VPS39: variants seen among roughly 807,000 people sequenced by gnomAD.
VPS39 encodes vam6/Vps39-like protein.
VPS39 carries 70 observed loss-of-function variants against 121.0 expected under a neutral mutation model. The observed-to-expected ratio is 0.58, with a 90% confidence interval of 0.48 to 0.71. The LOEUF (loss-of-function observed/expected upper bound fraction) is 0.71. Ranked by LOEUF, VPS39 falls within the 30% of genes least tolerant of loss-of-function variation. The pLI, the probability that VPS39 is intolerant of heterozygous loss-of-function variation, is 0.00. For synonymous variants in VPS39, 378 were observed against 398.1 expected (o/e 0.95, Z 0.60); for missense variants, 818 against 1,051.5 (o/e 0.78, Z 3.07).
chr15:42,189,794 CTTTTTTTTT>C (rs34353468), intron 4 of VPS39, among the ~76,000 whole-genome samples: 30 of 34,024 alleles, frequency 8.8e-4, no homozygotes, highest in Non-Finnish European at 1.2e-3. Flanking sequence ...CCAAAACACT[CTTTTTTTTT>C]TTTTTTTTTT....
rs189829804 is a variant in VPS39, at chr15:42,179,438, G to A, written c.719-868C>T. Among the ~76,000 whole-genome samples, 111 of 151,254 alleles carry A rather than the reference G, an allele frequency of 7.3e-4. No individual in the cohort carries two copies. In the East Asian group the frequency reaches 0.016, roughly 22 times the overall value. On this transcript the variant is annotated intron_variant, in intron 8 of 24. Coordinates refer to ENST00000318006, the MANE Select transcript of VPS39 (RefSeq NM_015289.5). Reference sequence around the variant, plus strand: ...AAAAATACAAAAAAATTAGCCGGGCGTGGTGGCAGGCGCCTGTAGTCCCAG... The same window carrying A: ...AAAAATACAAAAAAATTAGCCGGGCATGGTGGCAGGCGCCTGTAGTCCCAG...
intron 13 of VPS39, among the ~76,000 whole-genome samples, chr15:42,167,189 C>T (rs551424306): frequency 6.6e-6 from 1 of 152,324 alleles, no homozygotes; most frequent in East Asian, 1.9e-4. Context: ...AAGATGAATC[C>T]ACTGTACAAT....
At chr15:42,184,059 A>C (rs1307163625) in intron 8 of VPS39, 1 of 147,034 alleles carries the variant, frequency 6.8e-6, no homozygotes, top group African/African-American at 2.7e-5. Flanking sequence ...AGCTACAAAA[A>C]AAAAAAAAAA....
At chr15:42,171,025 G>A (rs1703753) in intron 11 of VPS39, among the ~76,000 whole-genome samples, 20,050 of 152,096 alleles carry the variant, frequency 0.13, 1,626 homozygotes, top group South Asian at 0.24. Flanking sequence ...ATGAGCCACT[G>A]TACCTGGCCA....
chr15:42,170,126 A>C (rs1168683718), intron 11 of VPS39, among the ~76,000 whole-genome samples: 1 of 152,184 alleles, frequency 6.6e-6, no homozygotes, highest in African/African-American at 2.4e-5. Flanking sequence ...AATATTTATC[A>C]AGCCTCTGAA....
Position 42,199,461 on chromosome 15 carries a change from G to T in VPS39, c.139+435C>A, listed in dbSNP as rs557870026. On this transcript the variant is annotated intron_variant, in intron 2 of 24. Transcript: ENST00000318006. ...GAAGTGCACATGAAGGCAAACCCTG[G>T]TCCTCTCTTCTTGTTCTACCCCTCA... 1.7e-3 allele frequency: 616 copies of T among 360,830 alleles called. 8 individuals carry two copies. Among genetic ancestry groups the T allele is most frequent in the South Asian group, 0.012 (598 of 49,456 alleles). 22.4% of individuals were successfully genotyped at this position (360,830 alleles called of 1,614,324 possible).
chr15:42,168,592 G>C (rs2049290906), intron 12 of VPS39, among the ~76,000 whole-genome samples: 1 of 148,640 alleles, frequency 6.7e-6, no homozygotes, highest in African/African-American at 2.5e-5. Flanking sequence ...TGCCCAGGCT[G>C]AAGTGTAGTG....
intron 8 of VPS39, among the ~76,000 whole-genome samples, chr15:42,179,813 C>T (rs912248288): frequency 6.6e-6 from 1 of 151,960 alleles, no homozygotes; most frequent in Non-Finnish European, 1.5e-5. Context: ...TTTATTCCCT[C>T]CCCAACTTAT....
intron 6 of VPS39, 35 bp from the exon 7 acceptor site, chr15:42,187,398 A>G: frequency 1.3e-6 from 2 of 1,557,164 alleles, no homozygotes; most frequent in Non-Finnish European, 1.7e-6. Flanking sequence ...AATGAAATAA[A>G]TATTTTTTTA....
intron 2 of VPS39, among the ~76,000 whole-genome samples, chr15:42,193,054 A>G (rs757031193): frequency 6.6e-6 from 1 of 152,212 alleles, no homozygotes. Flanking sequence ...TGCTGGGATT[A>G]CAGGAGTGAG....
chr15:42,178,073 G>T, intron 10 of VPS39, 145 bp downstream of exon 10: 1 of 1,008,552 alleles, frequency 9.9e-7, no homozygotes, highest in Non-Finnish European at 1.4e-6. Flanking sequence ...GATATTTTAC[G>T]GTGGAGTCAG....
intron 7 of VPS39, 75 bp from the exon 8 acceptor site, chr15:42,184,775 A>G: frequency 7.0e-7 from 1 of 1,419,496 alleles, no homozygotes; most frequent in Non-Finnish European, 9.5e-7. Context: ...TCCAGATAGA[A>G]CCCGAAACCT....
In VPS39 at chr15:42,167,474, T is replaced by C. The variant is rs2049267491; in HGVS notation, c.1297A>G (p.Met433Val). ...SDHQSSTSPL[M>V]EGTPTIKSKK... is the part of the protein sequence containing the mutation. ...GATTTGATGGTGGGAGTGCCTTCCATGAGCGGTGAGGTGCTTGACTGGTGA... is the reference window on the plus strand; with the variant it reads ...GATTTGATGGTGGGAGTGCCTTCCACGAGCGGTGAGGTGCTTGACTGGTGA... The change falls in exon 13 of 25, where the codon ATG becomes GTG. Residue 433 changes from methionine (M) to valine (V), a missense_variant. Physicochemically the swap from Met to Val is conservative, Grantham distance 21. Coordinates refer to ENST00000318006, the MANE Select transcript of VPS39 (RefSeq NM_015289.5). 6.2e-7 allele frequency: 1 copy of C among 1,614,150 alleles called. No individual in the cohort carries two copies.
rs1595630191 is a variant in VPS39 at position 42,159,077 on chromosome 15, C to G, written c.*1677G>C. On this transcript the variant is annotated 3_prime_UTR_variant, in exon 25 of 25. Transcript: ENST00000318006. ...GATGAGGCCCCGGGCAGCACTGCTT[C>G]TGTGTGGGTATGGCCAGTCGGGACG... 1 of 152,280 alleles carries G rather than the reference C, an allele frequency of 6.6e-6. No homozygotes were observed. Among genetic ancestry groups the G allele is most frequent in the Non-Finnish European group, 1.5e-5 (1 of 68,092 alleles). 9.4% of individuals were successfully genotyped at this position (152,280 alleles called of 1,614,324 possible). A position where few individuals can be genotyped will look rare whatever the true frequency, so the allele number is the denominator to read the frequency against.
At chr15:42,191,097 A>G in intron 4 of VPS39, 28 bp downstream of exon 4, 1 of 1,611,662 alleles carries the variant, frequency 6.2e-7, no homozygotes. Flanking sequence ...TGTTAGACAC[A>G]GGATACAAAT....
At chr15:42,169,957 T>A in intron 11 of VPS39, 91 bp from the exon 12 acceptor site, 1 of 1,304,922 alleles carries the variant, frequency 7.7e-7, no homozygotes, top group Non-Finnish European at 1.0e-6. Context: ...CAAAATAAGT[T>A]CCAGACTGAT....
At position 42,162,172 on chromosome 15, in the gene VPS39, G is replaced by C. The variant is rs753915631; in HGVS notation, c.2326-6C>G. ...GCTGGCAGAAGGTTGAGGGCCTAGG[G>C]ACAGGAACAGAGATAGGGACTGGGT... On this transcript the variant is annotated splice_polypyrimidine_tract_variant and splice_region_variant and intron_variant, in intron 22 of 24. Transcript: ENST00000318006. 1 of 1,614,176 alleles carries C rather than the reference G, an allele frequency of 6.2e-7. No individual in the cohort carries two copies. The highest frequency in any genetic ancestry group is 8.5e-7 in the Non-Finnish European group (1 of 1,180,016).
chr15:42,192,840 G>A (rs2049857619), intron 2 of VPS39, among the ~76,000 whole-genome samples: 1 of 151,866 alleles, frequency 6.6e-6, no homozygotes, highest in East Asian at 1.9e-4. Flanking sequence ...GTGCAGTAGT[G>A]CAATCTCAGC....
At chr15:42,161,849 T>A in intron 23 of VPS39, 76 bp from the exon 24 acceptor site, 1 of 1,593,610 alleles carries the variant, frequency 6.3e-7, no homozygotes, top group Non-Finnish European at 8.6e-7. Flanking sequence ...CCAGCAACTG[T>A]GTCCTCTTTC....
Sources: gnomAD v4.1 joint callset for allele counts (sites outside exome capture counted in the v4.1 genomes callset) on GRCh38, gnomAD v4.1.1 for gene constraint, MANE v1.5 for transcripts, NCBI Gene and HGNC (gene_info 2026-07-23, HGNC 2026-07-21) for gene names.